CNTN6: variants seen among roughly 807,000 people sequenced by gnomAD.
The protein encoded by CNTN6 is contactin-6.
Under a neutral mutation model 122.8 loss-of-function variants are expected in CNTN6, and 137 were observed. That is an observed-to-expected ratio of 1.12 (90% CI 0.97 to 1.29). The LOEUF (loss-of-function observed/expected upper bound fraction) is 1.29. CNTN6 is among the 50% of genes most tolerant of loss of function. The pLI is 0.00. For missense variants in CNTN6, 1,634 were observed against 1,223.4 expected, an observed-to-expected ratio of 1.34 and a Z score of -5.01; for synonymous variants, 570 against 426.0, an observed-to-expected ratio of 1.34 and a Z score of -4.16.
chr3:1,364,910 A>G (rs1331548979), intron 12 of CNTN6, among the ~76,000 whole-genome samples: 1 of 151,428 alleles, frequency 6.6e-6, no homozygotes, highest in Admixed American at 6.6e-5. Context: ...ACTGACAGAG[A>G]TTGAAAATGG....
Position 1,379,613 on chromosome 3 carries a change from A to G in CNTN6, c.2166+2538A>G, listed in dbSNP as rs75759457. 2.1e-3 allele frequency among the ~76,000 whole-genome samples: 324 copies of G among 152,162 alleles called. 1 individual carries two copies. The highest frequency in any genetic ancestry group is 7.0e-3 in the African/African-American group (292 of 41,514). On this transcript the variant is annotated intron_variant, in intron 17 of 22. Coordinates refer to ENST00000446702, the MANE Select transcript of CNTN6 (RefSeq NM_001289080.2). The stretch of plus-strand genomic sequence containing the variant: ...TTTTAAGTTTACTCTCTGGCCCTCT[A>G]CAGAAAAAGCATACTAACCCCTATT...
At chr3:1,269,766 T>C (rs1375627851) in intron 4 of CNTN6, among the ~76,000 whole-genome samples, 4 of 152,196 alleles carry the variant, frequency 2.6e-5, no homozygotes, top group Non-Finnish European at 4.4e-5. Flanking sequence ...ATGCATTATG[T>C]GCTCCTTACT....
At chr3:1,279,869 G>A (rs530622374) in intron 5 of CNTN6, among the ~76,000 whole-genome samples, 4 of 152,116 alleles carry the variant, frequency 2.6e-5, no homozygotes, top group African/African-American at 9.7e-5. Flanking sequence ...TATCTTATTC[G>A]GTATTATTAG....
chr3:1,316,078 C>G (rs1014918372), intron 7 of CNTN6, among the ~76,000 whole-genome samples: 6 of 151,908 alleles, frequency 3.9e-5, no homozygotes, highest in Non-Finnish European at 7.4e-5. Flanking sequence ...ATTGAACACT[C>G]AAACATATTG....
chr3:1,152,781 C>A (rs956375097), intron 2 of CNTN6, among the ~76,000 whole-genome samples: 1 of 152,164 alleles, frequency 6.6e-6, no homozygotes, highest in African/African-American at 2.4e-5. Flanking sequence ...TGTGCTATAT[C>A]TGTTCTTATG....
intron 2 of CNTN6, among the ~76,000 whole-genome samples, chr3:1,171,353 C>A (rs1376758027): frequency 6.6e-6 from 1 of 152,160 alleles, no homozygotes; most frequent in Non-Finnish European, 1.5e-5. Context: ...AAATAACCCA[C>A]AATTTAAATT....
chr3:1,332,519 G>GGGCGAGC (rs143807084), intron 11 of CNTN6, among the ~76,000 whole-genome samples: 583 of 53,600 alleles, frequency 0.011, 1 homozygote, highest in African/African-American at 0.041. Flanking sequence ...AGGAAGGAAG[G>GGGCGAGC]AAGGAAGGAA....
rs188067419 is a variant in CNTN6 at position 1,300,081 on chromosome 3, A to G, written c.761+2090A>G. ...AAGCTCTGCCACCCGGGTTCCCGCC[A>G]TTCTCCTGCCTCAGCCTCCCAAGTA... On this transcript the variant is annotated intron_variant, in intron 7 of 22. Transcript: ENST00000446702. Among the ~76,000 whole-genome samples the G allele has an allele frequency of 5.4e-3, 815 of 151,962 alleles. 3 individuals are homozygous for G. Among genetic ancestry groups the G allele is most frequent in the African/African-American group, 0.019 (778 of 41,430 alleles).
At chr3:1,238,482 C>A (rs2094446993) in intron 4 of CNTN6, among the ~76,000 whole-genome samples, 1 of 152,088 alleles carries the variant, frequency 6.6e-6, no homozygotes, top group Non-Finnish European at 1.5e-5. Context: ...GATGGCAACA[C>A]AATAATAGTG....
chr3:1,283,396 T>G (rs984282245), intron 5 of CNTN6, among the ~76,000 whole-genome samples: 3 of 152,170 alleles, frequency 2.0e-5, no homozygotes, highest in Non-Finnish European at 4.4e-5. Context: ...TTTGTTAAAT[T>G]TCAGTCACTC....
chr3:1,188,816 G>A (rs2093662533), intron 2 of CNTN6, among the ~76,000 whole-genome samples: 1 of 152,154 alleles, frequency 6.6e-6, no homozygotes, highest in Non-Finnish European at 1.5e-5. Flanking sequence ...TGTTACCACT[G>A]CTTTTCTATT....
At chr3:1,159,309 G>A (rs924621194) in intron 2 of CNTN6, among the ~76,000 whole-genome samples, 32 of 151,948 alleles carry the variant, frequency 2.1e-4, no homozygotes, top group African/African-American at 7.7e-4. Flanking sequence ...GTGATTAAAG[G>A]TGGGTAGCAT....
chr3:1,219,399 G>A (rs1020494037), intron 2 of CNTN6, among the ~76,000 whole-genome samples: 7 of 152,194 alleles, frequency 4.6e-5, no homozygotes, highest in Admixed American at 4.6e-4. Context: ...AGAGGATAGA[G>A]GGAAAGAGGG....
chr3:1,321,571 T>C (rs1559815672), intron 7 of CNTN6, 79 bp from the exon 8 acceptor site: 2 of 1,276,634 alleles, frequency 1.6e-6, no homozygotes, highest in Non-Finnish European at 2.2e-6. Flanking sequence ...TTGAGAGTTA[T>C]TTGTATGGAT....
intron 12 of CNTN6, among the ~76,000 whole-genome samples, chr3:1,355,871 A>G (rs1706467642): frequency 1.3e-5 from 2 of 151,818 alleles, no homozygotes; most frequent in Non-Finnish European, 2.9e-5. Flanking sequence ...TTTAGCTGAT[A>G]TGGCTTATCT....
intron 1 of CNTN6, among the ~76,000 whole-genome samples, chr3:1,145,822 T>C (rs2092712594): frequency 6.6e-6 from 1 of 152,198 alleles, no homozygotes; most frequent in Admixed American, 6.6e-5. Context: ...AGAAACCTAT[T>C]GTGCATAGTC....
intron 4 of CNTN6, among the ~76,000 whole-genome samples, chr3:1,272,457 C>T (rs1157519000): frequency 1.3e-5 from 2 of 151,962 alleles, no homozygotes; most frequent in Non-Finnish European, 2.9e-5. Context: ...GGCTATTCTC[C>T]ATATATTAAA....
chr3:1,244,356 T>C (rs2094528870), intron 4 of CNTN6, among the ~76,000 whole-genome samples: 1 of 148,786 alleles, frequency 6.7e-6, no homozygotes, highest in South Asian at 2.2e-4. Flanking sequence ...CCGCTGAGGG[T>C]GAAGGAGAAG....
chr3:1,139,870 C>A (rs542810434), intron 1 of CNTN6, among the ~76,000 whole-genome samples: 1 of 152,300 alleles, frequency 6.6e-6, no homozygotes, highest in African/African-American at 2.4e-5. Context: ...TGAAACATGG[C>A]TGCTGGGATT....
Sources: gnomAD v4.1 joint callset for allele counts (sites outside exome capture counted in the v4.1 genomes callset) on GRCh38, gnomAD v4.1.1 for gene constraint, MANE v1.5 for transcripts, NCBI Gene and HGNC (gene_info 2026-07-23, HGNC 2026-07-21) for gene names.